Variants in MAPK10 observed in about 807,000 individuals in gnomAD.
MAPK10 encodes the protein mitogen-activated protein kinase 10.
Under a neutral mutation model 59.3 loss-of-function variants are expected in MAPK10, and 25 were observed. That is an observed-to-expected ratio of 0.42 (90% CI 0.31 to 0.59). MAPK10 has a LOEUF of 0.59. Among genes scored for constraint, MAPK10 ranks in the 20% least tolerant of loss-of-function variants. The probability of loss-of-function intolerance (pLI) is 0.15; values close to 1 mark genes in which losing one functional copy is unlikely to be tolerated. For synonymous variants in MAPK10, 190 were observed against 200.5 expected (o/e 0.95, Z 0.44); for missense variants, 351 against 568.9 (o/e 0.62, Z 3.90).
At chr4:86,053,655 G>A (rs2043984940) in intron 11 of MAPK10, among the ~76,000 whole-genome samples, 1 of 151,962 alleles carries the variant, frequency 6.6e-6, no homozygotes, top group Non-Finnish European at 1.5e-5. Context: ...TTTCATAGAA[G>A]GAATCCTAAA....
chr4:86,169,802 G>A (rs1026586368), intron 3 of MAPK10, among the ~76,000 whole-genome samples: 5 of 151,696 alleles, frequency 3.3e-5, no homozygotes, highest in Admixed American at 6.6e-5. Flanking sequence ...AAATGTTAAG[G>A]GCAGCCAGAG....
chr4:86,420,952 G>C (rs535988179), intron 1 of MAPK10, among the ~76,000 whole-genome samples: 3 of 151,918 alleles, frequency 2.0e-5, no homozygotes, highest in African/African-American at 7.2e-5. Flanking sequence ...CATGGTGGCA[G>C]GTACCTATAA....
intron 1 of MAPK10, among the ~76,000 whole-genome samples, chr4:86,571,599 G>A (rs1320029700): frequency 6.6e-6 from 1 of 152,058 alleles, no homozygotes; most frequent in African/African-American, 2.4e-5. Context: ...TTAAGTACCT[G>A]TAGCTGGGAA....
intron 1 of MAPK10, among the ~76,000 whole-genome samples, chr4:86,434,527 C>A (rs1748448556): frequency 6.6e-6 from 1 of 152,148 alleles, no homozygotes; most frequent in Non-Finnish European, 1.5e-5. Flanking sequence ...AAATGGCCAA[C>A]AGGTATATAA....
intron 4 of MAPK10, among the ~76,000 whole-genome samples, chr4:86,116,530 A>G (rs1455087186): frequency 1.3e-5 from 2 of 152,202 alleles, no homozygotes; most frequent in Non-Finnish European, 2.9e-5. Context: ...TCCCTGAGAT[A>G]TTGACCAGAT....
At chr4:86,478,771 T>C (rs769306011) in intron 1 of MAPK10, among the ~76,000 whole-genome samples, 30 of 152,290 alleles carry the variant, frequency 2.0e-4, no homozygotes, top group Middle Eastern at 3.4e-3. Context: ...TCACACTTGG[T>C]TTATTGATGG....
chr4:86,542,782 T>TGG (rs1347768193), intron 1 of MAPK10, among the ~76,000 whole-genome samples: 5 of 152,176 alleles, frequency 3.3e-5, no homozygotes, highest in African/African-American at 1.2e-4. Flanking sequence ...AGACACTGCT[T>TGG]GCTTTGCTTT....
intron 1 of MAPK10, among the ~76,000 whole-genome samples, chr4:86,475,527 C>T (rs781775401): frequency 2.9e-4 from 44 of 152,136 alleles, no homozygotes; most frequent in Non-Finnish European, 5.6e-4. Flanking sequence ...ACGTTTTATC[C>T]GTGGACCCAA....
intron 9 of MAPK10, among the ~76,000 whole-genome samples, chr4:86,075,749 A>G (rs187839597): frequency 2.6e-5 from 4 of 152,178 alleles, no homozygotes; most frequent in East Asian, 3.9e-4. Flanking sequence ...CAGTCTGCCC[A>G]TTCTCAGATC....
intron 1 of MAPK10, among the ~76,000 whole-genome samples, chr4:86,427,674 T>C (rs1404345257): frequency 6.6e-6 from 1 of 152,242 alleles, no homozygotes; most frequent in Non-Finnish European, 1.5e-5. Context: ...CTAACTTATA[T>C]TGACAGGTTA....
At chr4:86,098,405 C>A (rs1226858716) in intron 9 of MAPK10, 119 bp downstream of exon 9, 3 of 1,466,596 alleles carry the variant, frequency 2.0e-6, no homozygotes, top group African/African-American at 1.4e-5. Context: ...TTTTTTATTA[C>A]AATAACACCA....
chr4:86,334,096 C>T (rs2096217611), intron 2 of MAPK10, among the ~76,000 whole-genome samples: 2 of 152,100 alleles, frequency 1.3e-5, no homozygotes, highest in South Asian at 4.1e-4. Flanking sequence ...ATTTCAAATT[C>T]AACATGTCCA....
intron 1 of MAPK10, among the ~76,000 whole-genome samples, chr4:86,395,238 A>G (rs1742759700): frequency 6.6e-6 from 1 of 152,152 alleles, no homozygotes; most frequent in Non-Finnish European, 1.5e-5. Flanking sequence ...GTCAAAATTC[A>G]TATTTATTGG....
intron 1 of MAPK10, among the ~76,000 whole-genome samples, chr4:86,461,842 G>A (rs913695143): frequency 6.6e-6 from 1 of 152,150 alleles, no homozygotes; most frequent in South Asian, 2.1e-4. Flanking sequence ...GCAGCACCTT[G>A]AGTGACCACT....
rs566971253 is a variant in MAPK10 at position 86,407,535 on chromosome 4, A to G, written c.-122+45495T>C. 4.9e-4 allele frequency among the ~76,000 whole-genome samples: 75 copies of G among 152,256 alleles called. 1 individual carries two copies. The highest frequency in any genetic ancestry group is 4.8e-3 in the Admixed American group (74 of 15,290). On this transcript the variant is annotated intron_variant, in intron 1 of 13. Coordinates refer to the MAPK10 transcript ENST00000361569. ...GAGAGTTTATGATGTCAACTACTTC[A>G]CTGTATTGTCAAATTACACTTAGCA...
At chr4:86,221,003 C>T (rs1249850974) in intron 2 of MAPK10, among the ~76,000 whole-genome samples, 3 of 149,366 alleles carry the variant, frequency 2.0e-5, no homozygotes, top group Non-Finnish European at 2.9e-5. Context: ...TCTTTTGGTA[C>T]GTTCTCCCTT....
chr4:86,480,542 C>A (rs1753524757), intron 1 of MAPK10, among the ~76,000 whole-genome samples: 3 of 152,062 alleles, frequency 2.0e-5, no homozygotes, highest in African/African-American at 7.2e-5. Flanking sequence ...TTTGACAGTT[C>A]TTCAGGAATC....
intron 2 of MAPK10, among the ~76,000 whole-genome samples, chr4:86,304,455 C>G (rs542209049): frequency 6.9e-6 from 1 of 145,350 alleles, no homozygotes; most frequent in Admixed American, 7.0e-5. Context: ...TGCAGTGGCG[C>G]AATCTCGGCT....
chr4:86,084,935 A>G (rs540019410), intron 9 of MAPK10, among the ~76,000 whole-genome samples: 2 of 152,202 alleles, frequency 1.3e-5, no homozygotes, highest in South Asian at 4.1e-4. Flanking sequence ...GAACCCAGAA[A>G]CAAATCCACA....
Sources: allele counts gnomAD v4.1 joint callset (sites outside exome capture counted in the v4.1 genomes callset), GRCh38; gene constraint gnomAD v4.1.1; transcripts MANE v1.5; gene names NCBI Gene and HGNC (gene_info 2026-07-23, HGNC 2026-07-21).